The following MAOA variants were observed in gnomAD, a reference collection of about 807,000 sequenced individuals.
MAOA encodes monoamine oxidase A.
Under a neutral mutation model 42.0 loss-of-function variants are expected in MAOA, and 6 were observed. The observed-to-expected ratio is 0.14, with a 90% CI of 0.08 to 0.28. The LOEUF (loss-of-function observed/expected upper bound fraction) is 0.28, where lower values mean the gene tolerates loss of function less well. Ranked by LOEUF, MAOA falls within the 10% of genes least tolerant of loss-of-function variation. The pLI is 1.00. For synonymous variants in MAOA, 140 were observed against 154.0 expected, an observed-to-expected ratio of 0.91 and a Z score of 0.67; for missense variants, 262 against 422.3, an observed-to-expected ratio of 0.62 and a Z score of 3.33.
At chrX:43,713,641 C>G (rs1175092062) in intron 5 of MAOA, among the ~76,000 whole-genome samples, 1 of 111,483 alleles carries the variant, frequency 9.0e-6, no homozygotes, top group Non-Finnish European at 1.9e-5. Flanking sequence ...GGGTGAACTT[C>G]TTAGGAATAG....
chrX:43,739,563 A>G (rs1315734292), intron 10 of MAOA, among the ~76,000 whole-genome samples: 2 of 112,155 alleles, frequency 1.8e-5, no homozygotes, highest in Non-Finnish European at 3.8e-5. Flanking sequence ...TTTCTAATGT[A>G]ATTGGCAACA....
At chrX:43,738,462 A>G (rs909112405) in intron 10 of MAOA, among the ~76,000 whole-genome samples, 2 of 111,847 alleles carry the variant, frequency 1.8e-5, no homozygotes, top group African/African-American at 6.5e-5. Context: ...ACTAACTACA[A>G]TGTGGGTTGA....
At position 43,706,367 on chromosome X, in the gene MAOA, A is replaced by C. The variant is rs190879491; in HGVS notation, c.307-5505A>C. Reference sequence around the variant, plus strand: ...ATTTTTTTAAAAAACTCTGTCAATTATCTTTAATTACACAAAAGCCGCCAG... The same window carrying C: ...ATTTTTTTAAAAAACTCTGTCAATTCTCTTTAATTACACAAAAGCCGCCAG... On this transcript the variant is annotated intron_variant, in intron 3 of 14. Coordinates refer to ENST00000338702, the MANE Select transcript of MAOA (RefSeq NM_000240.4). Among the ~76,000 whole-genome samples the C allele has an allele frequency of 2.7e-5, 3 of 112,168 alleles. No individual in the cohort carries two copies. In the East Asian group the frequency reaches 8.3e-4, roughly 31 times the overall value.
At chrX:43,723,485 C>G (rs890614684) in intron 5 of MAOA, among the ~76,000 whole-genome samples, 3 of 110,982 alleles carry the variant, frequency 2.7e-5, no homozygotes, top group African/African-American at 9.8e-5. Context: ...ATTTGGCTCT[C>G]TGTCTGTTAT....
intron 2 of MAOA, among the ~76,000 whole-genome samples, chrX:43,689,055 A>G (rs1451748998): frequency 9.1e-6 from 1 of 109,352 alleles, no homozygotes; most frequent in Non-Finnish European, 1.9e-5. Flanking sequence ...TAAATTTTAG[A>G]TTCAGGGGGT....
chrX:43,661,118 G>C (rs1344415381), intron 1 of MAOA, among the ~76,000 whole-genome samples: 2 of 111,388 alleles, frequency 1.8e-5, no homozygotes, highest in Non-Finnish European at 3.8e-5. Flanking sequence ...GGAAATGCTC[G>C]GTCTCTCAAA....
chrX:43,744,555 A>G lies in MAOA; in HGVS notation c.*42A>G, dbSNP rs772044306. ...TCTCTGCTCACTGGTTTTCAATACCACCAAGAGGAAAATATTGACAAGTTT... is the reference window on the plus strand; with the variant it reads ...TCTCTGCTCACTGGTTTTCAATACCGCCAAGAGGAAAATATTGACAAGTTT... On this transcript the variant is annotated 3_prime_UTR_variant, in exon 15 of 15. Coordinates refer to ENST00000338702, the MANE Select transcript of MAOA (RefSeq NM_000240.4). 6.8e-6 allele frequency: 8 copies of G among 1,180,742 alleles called. No homozygotes were observed. In the Admixed American group the frequency reaches 1.5e-4, roughly 23 times the overall value.
rs1480542463 is a variant in MAOA, at chrX:43,742,540, A to G, written c.1262+493A>G. On this transcript the variant is annotated intron_variant, in intron 12 of 14. Coordinates refer to ENST00000338702, the MANE Select transcript of MAOA (RefSeq NM_000240.4). ...ACGTGGGGTGGGTCCACCTTGACCT[A>G]GAAGCCCCTTGCTCCATGGGAGCCA... Among the ~76,000 whole-genome samples the G allele has an allele frequency of 3.5e-5, 4 of 112,691 alleles. No individual in the cohort carries two copies. The Admixed American group carries it at 3.7e-4, about 11-fold the overall frequency.
At chrX:43,670,660 A>G (rs1369217004) in intron 1 of MAOA, among the ~76,000 whole-genome samples, 1 of 89,005 alleles carries the variant, frequency 1.1e-5, no homozygotes, top group Non-Finnish European at 2.1e-5. Context: ...ATGTGTTCTC[A>G]TTGTTCAATT....
chrX:43,664,793 A>C (rs762875094), intron 1 of MAOA, among the ~76,000 whole-genome samples: 1 of 111,824 alleles, frequency 8.9e-6, no homozygotes, highest in South Asian at 3.7e-4. Flanking sequence ...TGCCTCAAAA[A>C]TAAAATGCCT....
chrX:43,720,296 G>A (rs781268541), intron 5 of MAOA, among the ~76,000 whole-genome samples: 19 of 109,646 alleles, frequency 1.7e-4, no homozygotes, highest in Non-Finnish European at 3.2e-4. Flanking sequence ...CCACAGGTGC[G>A]GTGGCTGGGG....
At chrX:43,685,324 G>A (rs1280447521) in intron 2 of MAOA, among the ~76,000 whole-genome samples, 3 of 111,641 alleles carry the variant, frequency 2.7e-5, no homozygotes, top group African/African-American at 9.8e-5. Context: ...CTTTTCCTTC[G>A]CCAAAAGACC....
chrX:43,712,128 T>C, intron 4 of MAOA, 152 bp downstream of exon 4: 2 of 489,423 alleles, frequency 4.1e-6, no homozygotes, highest in Non-Finnish European at 7.1e-6. Flanking sequence ...GTATTTCCAC[T>C]TCACAAATGG....
At chrX:43,703,919 AG>A (rs1346288293) in intron 3 of MAOA, among the ~76,000 whole-genome samples, 1 of 111,829 alleles carries the variant, frequency 8.9e-6, no homozygotes, top group East Asian at 2.8e-4. Context: ...TTAGAGATTT[AG>A]GTTCACAAAT....
At chrX:43,702,610 A>G (rs1176942689) in intron 3 of MAOA, among the ~76,000 whole-genome samples, 3 of 112,495 alleles carry the variant, frequency 2.7e-5, no homozygotes, top group Non-Finnish European at 5.6e-5. Flanking sequence ...AGAGTTAATT[A>G]TAGTTCAGTG....
chrX:43,656,827 G>A (rs1156734460), intron 1 of MAOA, among the ~76,000 whole-genome samples: 1 of 109,760 alleles, frequency 9.1e-6, no homozygotes, highest in African/African-American at 3.3e-5. Flanking sequence ...GTGGCTGAAC[G>A]ATTTTCTCCC....
In MAOA at chrX:43,720,751, G is replaced by T. The variant is rs375295217; in HGVS notation, c.504-7422G>T. Among the ~76,000 whole-genome samples the T allele has an allele frequency of 6.9e-5, 7 of 101,921 alleles. No homozygotes were observed. In the East Asian group the frequency reaches 1.9e-3, roughly 28 times the overall value. 88.5% of individuals were successfully genotyped at this position (101,921 alleles called of 115,157 possible). A position where few individuals can be genotyped will look rare whatever the true frequency, so the allele number is the denominator to read the frequency against. ...TATATCTTCCGGGAATGTGACACAGGCTCTGGAAGAGATGGTGAAGGTGGA... is the reference window on the plus strand; with the variant it reads ...TATATCTTCCGGGAATGTGACACAGTCTCTGGAAGAGATGGTGAAGGTGGA... On this transcript the variant is annotated intron_variant, in intron 5 of 14. Coordinates refer to ENST00000338702, the MANE Select transcript of MAOA (RefSeq NM_000240.4).
chrX:43,694,854 A>G (rs1323562813), intron 3 of MAOA, among the ~76,000 whole-genome samples: 1 of 112,224 alleles, frequency 8.9e-6, no homozygotes, highest in Non-Finnish European at 1.9e-5. Context: ...GAAGCAAATG[A>G]GTGTGATGAT....
At chrX:43,663,464 G>C (rs760207988) in intron 1 of MAOA, among the ~76,000 whole-genome samples, 2 of 111,719 alleles carry the variant, frequency 1.8e-5, no homozygotes, top group African/African-American at 3.2e-5. Context: ...ATAGAATGGT[G>C]GCCTGTAAGA....
Sources: gnomAD v4.1 joint callset for allele counts (sites outside exome capture counted in the v4.1 genomes callset) on GRCh38, gnomAD v4.1.1 for gene constraint, MANE v1.5 for transcripts, NCBI Gene and HGNC (gene_info 2026-07-23, HGNC 2026-07-21) for gene names.